The following SOX5 variants were observed in gnomAD, a reference collection of about 807,000 sequenced individuals.
SOX5 encodes the protein SRY-box transcription factor 5.
Under a neutral mutation model 92.0 loss-of-function variants are expected in SOX5, and 9 were observed. The observed-to-expected ratio is 0.10, with a 90% CI of 0.06 to 0.17. The LOEUF is 0.17. Among genes scored for constraint, SOX5 ranks in the 10% least tolerant of loss-of-function variants. The probability of loss-of-function intolerance (pLI) is 1.00; values close to 1 mark genes in which losing one functional copy is unlikely to be tolerated. For missense variants in SOX5, 642 were observed against 944.5 expected (o/e 0.68, Z 4.20); for synonymous variants, 344 against 336.3 (o/e 1.02, Z -0.25).
rs185890290 is a variant in SOX5 at position 24,362,265 on chromosome 12, A to G, written c.-174+6298T>C. 1.8e-3 allele frequency among the ~76,000 whole-genome samples: 269 copies of G among 152,290 alleles called. 2 individuals carry two copies. The highest frequency in any genetic ancestry group is 6.3e-3 in the African/African-American group (260 of 41,542). ...GGGGCACATTTGGATATTTCCTTCA[A>G]TATCACAGCCAAAAAAATAATGTTT... On this transcript the variant is annotated intron_variant, in intron 2 of 4. Coordinates refer to the SOX5 transcript ENST00000446891.
chr12:23,597,863 G>A (rs988517284), intron 9 of SOX5, among the ~76,000 whole-genome samples: 1 of 152,184 alleles, frequency 6.6e-6, no homozygotes, highest in Admixed American at 6.5e-5. Flanking sequence ...TGATATGCCA[G>A]ATACTGTTAA....
chr12:24,478,559 A>G (rs1945633206), intron 1 of SOX5, among the ~76,000 whole-genome samples: 1 of 152,142 alleles, frequency 6.6e-6, no homozygotes, highest in Non-Finnish European at 1.5e-5. Context: ...TTCTAAACTG[A>G]GCTTATTACT....
chr12:24,074,969 T>C (rs1394369327), intron 4 of SOX5, among the ~76,000 whole-genome samples: 1 of 151,700 alleles, frequency 6.6e-6, no homozygotes, highest in African/African-American at 2.4e-5. Context: ...TTTTCATTAA[T>C]AGGCAATGCC....
intron 4 of SOX5, among the ~76,000 whole-genome samples, chr12:24,014,172 A>C (rs1953296511): frequency 6.6e-6 from 1 of 152,212 alleles, no homozygotes; most frequent in Non-Finnish European, 1.5e-5. Context: ...AGGGCATTTT[A>C]AAATAAGCTA....
intron 12 of SOX5, among the ~76,000 whole-genome samples, chr12:23,545,778 T>G (rs1384655085): frequency 6.6e-6 from 1 of 151,814 alleles, no homozygotes. Flanking sequence ...AACTCACGCC[T>G]ATAAAACTAG....
At chr12:24,461,757 T>A (rs1302857577) in intron 1 of SOX5, among the ~76,000 whole-genome samples, 1 of 152,226 alleles carries the variant, frequency 6.6e-6, no homozygotes, top group Non-Finnish European at 1.5e-5. Context: ...AAAAACCTGT[T>A]GTTTTTTGAG....
chr12:24,500,784 A>G (rs2138124072), intron 1 of SOX5, among the ~76,000 whole-genome samples: 1 of 152,344 alleles, frequency 6.6e-6, no homozygotes, highest in South Asian at 2.1e-4. Context: ...CTCCCAAACA[A>G]ATATAAACCG....
intron 2 of SOX5, among the ~76,000 whole-genome samples, chr12:24,316,275 C>T (rs909749194): frequency 6.6e-6 from 1 of 152,084 alleles, no homozygotes; most frequent in African/African-American, 2.4e-5. Flanking sequence ...GAGGGTCTAT[C>T]GTGACACCCA....
intron 3 of SOX5, among the ~76,000 whole-genome samples, chr12:23,819,801 G>A (rs1473202277): frequency 6.6e-6 from 1 of 152,136 alleles, no homozygotes; most frequent in Non-Finnish European, 1.5e-5. Context: ...TGGTGTATAT[G>A]TGCCACATTT....
chr12:23,840,165 A>G (rs1328184933), intron 3 of SOX5, among the ~76,000 whole-genome samples: 2 of 152,056 alleles, frequency 1.3e-5, no homozygotes, highest in South Asian at 4.1e-4. Context: ...ACTACAGTCA[A>G]TTTCCCATAT....
At chr12:23,942,836 A>G (rs1943914583) in intron 1 of SOX5, among the ~76,000 whole-genome samples, 1 of 152,048 alleles carries the variant, frequency 6.6e-6, no homozygotes, top group African/African-American at 2.4e-5. Context: ...GAAATATTAA[A>G]GTGGAGCTAC....
chr12:24,490,684 T>A (rs1364310071), intron 1 of SOX5, among the ~76,000 whole-genome samples: 1 of 152,188 alleles, frequency 6.6e-6, no homozygotes, highest in Non-Finnish European at 1.5e-5. Flanking sequence ...ATATTTTTTT[T>A]AATGGTGTTG....
chr12:24,268,771 G>C (rs1184424242), intron 3 of SOX5, among the ~76,000 whole-genome samples: 1 of 152,070 alleles, frequency 6.6e-6, no homozygotes, highest in Non-Finnish European at 1.5e-5. Flanking sequence ...TATTTCAGAG[G>C]GTCATTGGAT....
chr12:24,559,405 T>C (rs1212115623), intron 1 of SOX5, among the ~76,000 whole-genome samples: 1 of 152,226 alleles, frequency 6.6e-6, no homozygotes, highest in Non-Finnish European at 1.5e-5. Context: ...CTCTCCGTTA[T>C]TTGAAATCCA....
At chr12:23,561,598 G>T (rs1052852131) in intron 11 of SOX5, among the ~76,000 whole-genome samples, 1 of 152,088 alleles carries the variant, frequency 6.6e-6, no homozygotes, top group African/African-American at 2.4e-5. Flanking sequence ...CGCTGCTTAG[G>T]GGCCTAGGAG....
intron 9 of SOX5, among the ~76,000 whole-genome samples, chr12:23,600,211 A>C (rs1239247600): frequency 6.6e-6 from 1 of 152,170 alleles, no homozygotes; most frequent in African/African-American, 2.4e-5. Flanking sequence ...CTCCTGTCAT[A>C]AAAGTTCAAG....
At position 23,795,300 on chromosome 12, in the gene SOX5, A is replaced by C. The variant is rs1432109486; in HGVS notation, c.482-39576T>G. 2.0e-5 allele frequency among the ~76,000 whole-genome samples: 3 copies of C among 152,090 alleles called. No individual in the cohort carries two copies. The East Asian group carries it at 5.8e-4, about 29-fold the overall frequency. On this transcript the variant is annotated intron_variant, in intron 3 of 14. Transcript: ENST00000451604. ...TTTTTTTTGATGGATGGACTTGTAT[A>C]AGATTTTTCAAAGAACACAGCTCAT...
chr12:23,728,762 C>A (rs897588409), intron 6 of SOX5, among the ~76,000 whole-genome samples: 1 of 151,944 alleles, frequency 6.6e-6, no homozygotes. Flanking sequence ...AAACTTAGGG[C>A]CATTAAGCCT....
At chr12:24,465,903 C>T (rs1485534425) in intron 1 of SOX5, among the ~76,000 whole-genome samples, 3 of 152,174 alleles carry the variant, frequency 2.0e-5, no homozygotes, top group Non-Finnish European at 4.4e-5. Context: ...GCTGTCACAG[C>T]ACTTCCCCAT....
Sources: gnomAD v4.1 joint callset for allele counts (sites outside exome capture counted in the v4.1 genomes callset) on GRCh38, gnomAD v4.1.1 for gene constraint, MANE v1.5 for transcripts, NCBI Gene and HGNC (gene_info 2026-07-23, HGNC 2026-07-21) for gene names.